The following AKAP19 variants were observed in gnomAD, a reference collection of about 807,000 sequenced individuals.
AKAP19 encodes the protein A-kinase anchoring protein 19.
the AKAP19 span, among the ~76,000 whole-genome samples, chr2:190,083,319 T>C: frequency 1.3e-5 from 2 of 152,134 alleles, no homozygotes; most frequent in Non-Finnish European, 2.9e-5. Flanking sequence ...GAGGCTGCAG[T>C]GAGCCGAGAT....
the AKAP19 span, among the ~76,000 whole-genome samples, chr2:189,988,354 G>A: frequency 1.3e-5 from 2 of 152,230 alleles, no homozygotes; most frequent in African/African-American, 4.8e-5. Context: ...CCAGAATGAT[G>A]ATTGTTAATA....
At chr2:190,174,807 A>G in the AKAP19 span, among the ~76,000 whole-genome samples, 5 of 152,240 alleles carry the variant, frequency 3.3e-5, no homozygotes, top group East Asian at 9.6e-4. Context: ...GATGCCAAAA[A>G]TGGTTATCAA....
the AKAP19 span, chr2:190,180,858 C>G: frequency 1.0e-6 from 1 of 985,318 alleles, no homozygotes; most frequent in Non-Finnish European, 1.2e-6. This position sits in a 1 kb window ranked among gnomAD's most constrained non-coding sequence, Gnocchi z 6.8. Flanking sequence ...GACGCCCCGT[C>G]CTCCACATGC....
the AKAP19 span, among the ~76,000 whole-genome samples, chr2:189,976,333 C>T: frequency 6.6e-6 from 1 of 152,224 alleles, no homozygotes; most frequent in South Asian, 2.1e-4. Flanking sequence ...GATCATTCCT[C>T]TGAAAGCTTC....
the AKAP19 span, among the ~76,000 whole-genome samples, chr2:189,918,994 G>A: frequency 3.4e-4 from 52 of 152,118 alleles, no homozygotes; most frequent in Non-Finnish European, 6.2e-4. Flanking sequence ...GTTAACCATG[G>A]TCCAAAAATA....
chr2:189,926,804 C>T, the AKAP19 span, among the ~76,000 whole-genome samples: 1 of 151,710 alleles, frequency 6.6e-6, no homozygotes, highest in African/African-American at 2.4e-5. Context: ...AGGATGGTCT[C>T]GATTTCCTGA....
chr2:190,077,716 C>T, the AKAP19 span, among the ~76,000 whole-genome samples: 18,645 of 152,020 alleles, frequency 0.12, 3,024 homozygotes, highest in African/African-American at 0.37. Context: ...TGTTGTAGTA[C>T]AGCTGAAGTT....
the AKAP19 span, among the ~76,000 whole-genome samples, chr2:190,096,167 G>A: frequency 1.3e-5 from 2 of 152,128 alleles, no homozygotes; most frequent in Non-Finnish European, 2.9e-5. Context: ...TGACAACATG[G>A]TTGGGCTGCA....
chr2:190,081,966 C>A, the AKAP19 span, among the ~76,000 whole-genome samples: 1 of 152,122 alleles, frequency 6.6e-6, no homozygotes, highest in Non-Finnish European at 1.5e-5. Context: ...TAAATAGAAA[C>A]CAGCCCTTTC....
chr2:190,067,112 A>G, the AKAP19 span, among the ~76,000 whole-genome samples: 4 of 152,278 alleles, frequency 2.6e-5, no homozygotes, highest in African/African-American at 9.6e-5. Flanking sequence ...TTATATCATT[A>G]ATATTTAACA....
At chr2:190,103,610 C>G in the AKAP19 span, among the ~76,000 whole-genome samples, 3,418 of 152,234 alleles carry the variant, frequency 0.022, 58 homozygotes, top group Non-Finnish European at 0.033. Flanking sequence ...AAATAAAATA[C>G]CTACGAATAC....
At chr2:189,940,097 G>A in the AKAP19 span, among the ~76,000 whole-genome samples, 2 of 152,116 alleles carry the variant, frequency 1.3e-5, no homozygotes, top group Non-Finnish European at 2.9e-5. Context: ...GGCTAACATG[G>A]TGAAACCCTG....
the AKAP19 span, among the ~76,000 whole-genome samples, chr2:190,023,530 A>G: frequency 6.6e-6 from 1 of 152,004 alleles, no homozygotes; most frequent in Non-Finnish European, 1.5e-5. Context: ...ACTCTAAGAG[A>G]TATTTTGGTG....
chr2:190,078,263 C>T, the AKAP19 span, among the ~76,000 whole-genome samples: 3 of 152,150 alleles, frequency 2.0e-5, no homozygotes, highest in African/African-American at 4.8e-5. Context: ...ATTTGTTTCC[C>T]TTCTCCTAGG....
chr2:189,971,317 C>A, the AKAP19 span, among the ~76,000 whole-genome samples: 2 of 152,156 alleles, frequency 1.3e-5, no homozygotes, highest in African/African-American at 4.8e-5. Flanking sequence ...ATGAACTCAT[C>A]CTTTTTTATG....
At chr2:189,955,569 T>C in the AKAP19 span, among the ~76,000 whole-genome samples, 1 of 152,208 alleles carries the variant, frequency 6.6e-6, no homozygotes, top group Non-Finnish European at 1.5e-5. Flanking sequence ...TGTACTAATT[T>C]ACATTTCCAC....
At chr2:189,928,697 T>A in the AKAP19 span, among the ~76,000 whole-genome samples, 1 of 152,136 alleles carries the variant, frequency 6.6e-6, no homozygotes, top group South Asian at 2.1e-4. Context: ...TAGTTGAATG[T>A]CAAATCTTTA....
At chr2:189,943,754 T>G in the AKAP19 span, among the ~76,000 whole-genome samples, 1 of 152,200 alleles carries the variant, frequency 6.6e-6, no homozygotes, top group Non-Finnish European at 1.5e-5. Flanking sequence ...AGCCCACCCC[T>G]TGCACCAGTT....
the AKAP19 span, among the ~76,000 whole-genome samples, chr2:190,175,811 C>T: frequency 6.6e-6 from 1 of 152,280 alleles, no homozygotes; most frequent in African/African-American, 2.4e-5. Context: ...TGGCAAACTG[C>T]CATGGTTTGA....
Sources: gnomAD v4.1 joint callset for allele counts (sites outside exome capture counted in the v4.1 genomes callset) on GRCh38, gnomAD v4.1.1 for gene constraint, Gnocchi (gnomAD v3.1) non-coding constraint, MANE v1.5 for transcripts, NCBI Gene and HGNC (gene_info 2026-07-23, HGNC 2026-07-21) for gene names.